MUC5AC: variants seen among roughly 807,000 people sequenced by gnomAD.
MUC5AC encodes the protein mucin-5AC.
A neutral mutation model predicts 169.7 loss-of-function variants in MUC5AC; 158 were observed. That is an observed-to-expected ratio of 0.93 (90% CI 0.82 to 1.06). MUC5AC has a LOEUF of 1.06. Ranked by LOEUF, MUC5AC falls within the 50% of genes least tolerant of loss-of-function variation. MUC5AC has a pLI of 0.00. For missense variants in MUC5AC, 4,359 were observed against 3,089.9 expected (o/e 1.41, Z -9.74); for synonymous variants, 1,975 against 1,237.0 (o/e 1.60, Z -12.52).
At chr11:1,165,278 C>T (rs1426212242) in intron 9 of MUC5AC, 24 bp from the exon 10 acceptor site, 1 of 1,602,050 alleles carries the variant, frequency 6.2e-7, no homozygotes, top group South Asian at 1.1e-5. Context: ...AGGCGCCCGT[C>T]ATAGGCCTGC....
At position 1,199,943 on chromosome 11, in the gene MUC5AC, G is replaced by A. The variant is rs1257951037; in HGVS notation, c.16674G>A (p.Arg5558=). The A allele has an allele frequency of 1.3e-6, 1 of 763,568 alleles. No homozygotes were observed. The highest frequency in any genetic ancestry group is 1.7e-5 in the Admixed American group (1 of 58,852). 47.3% of individuals were successfully genotyped at this position (763,568 alleles called of 1,614,324 possible). A position where few individuals can be genotyped will look rare whatever the true frequency, so the allele number is the denominator to read the frequency against. The part of the protein sequence containing the change: ...SSEPVRLAYC[R]GNCGDSSSMY... Reference sequence around the variant, plus strand: ...AGCCCGTGCGCCTGGCTTACTGCCGGGGGAACTGTGGGGACAGCTCTTCCA... The same window carrying A: ...AGCCCGTGCGCCTGGCTTACTGCCGAGGGAACTGTGGGGACAGCTCTTCCA... Residue 5558 remains arginine (R), a synonymous_variant, in exon 48 of 49, where the codon CGG becomes CGA. Coordinates refer to ENST00000621226, the MANE Select transcript of MUC5AC (RefSeq NM_001304359.2).
At position 1,187,988 on chromosome 11, in the gene MUC5AC, T is replaced by C. The variant is rs1554928434; in HGVS notation, c.9843T>C (p.Ile3281=). 295,440 of 730,840 alleles carry C rather than the reference T, an allele frequency of 0.4. 66,613 individuals carry two copies. The highest frequency in any genetic ancestry group is 0.66 in the African/African-American group (38,249 of 58,126). The allele number at this position is 730,840 out of a possible 1,614,324, so 45.3% of individuals were successfully genotyped here. ...CCGAGAGCCACCCGGAGGTGAGCATTGAACACCTGGGCCAGGTGGTGCAGT... is the reference window on the plus strand; with the variant it reads ...CCGAGAGCCACCCGGAGGTGAGCATCGAACACCTGGGCCAGGTGGTGCAGT... ...CRAESHPEVS[I]EHLGQVVQCS... Residue 3281 remains isoleucine (I), a synonymous_variant, in exon 31 of 49, where the codon ATT becomes ATC. Coordinates refer to ENST00000621226, the MANE Select transcript of MUC5AC (RefSeq NM_001304359.2).
At chr11:1,170,755 ACTCG>A (rs1860489031) in intron 15 of MUC5AC, among the ~76,000 whole-genome samples, 1 of 131,986 alleles carries the variant, frequency 7.6e-6, no homozygotes, top group African/African-American at 2.9e-5. Context: ...CCATTCACTC[ACTCG>A]CCCACTCACC....
At chr11:1,160,200 C>G (rs1028161884) in intron 1 of MUC5AC, among the ~76,000 whole-genome samples, 1 of 152,084 alleles carries the variant, frequency 6.6e-6, no homozygotes, top group Non-Finnish European at 1.5e-5. Flanking sequence ...TCCAGGTGGT[C>G]TTGGGGCCGA....
At position 1,189,445 on chromosome 11, in the gene MUC5AC, C is replaced by G; in HGVS notation, c.11300C>G (p.Thr3767Ser). ...AGCACAACGTCAGCTCCTACGAGCA[C>G]TTCCTCGGCTCCTACAACCAACACA... is the stretch of plus-strand genomic sequence containing the variant. ...TASTTSAPTS[T>S]SSAPTTNTTS... The change falls in exon 31 of 49, where the codon ACT (threonine) becomes AGT (serine). Residue 3767 changes from threonine (T) to serine (S), a missense_variant. Coordinates refer to ENST00000621226, the MANE Select transcript of MUC5AC (RefSeq NM_001304359.2). The G allele has an allele frequency of 1.8e-6, 1 of 558,164 alleles. No individual in the cohort carries two copies. 34.6% of individuals were successfully genotyped at this position (558,164 alleles called of 1,614,324 possible).
intron 15 of MUC5AC, among the ~76,000 whole-genome samples, chr11:1,170,874 C>T (rs1469939641): frequency 2.7e-5 from 4 of 146,602 alleles, no homozygotes; most frequent in South Asian, 2.3e-4. Flanking sequence ...CTCGCCTATT[C>T]GCCCACTCAC....
chr11:1,174,412 G>T, intron 16 of MUC5AC, 84 bp from the exon 17 acceptor site: 1 of 811,682 alleles, frequency 1.2e-6, no homozygotes. Context: ...GACCCTGGCT[G>T]CTGGATGTGT....
At position 1,178,561 on chromosome 11, in the gene MUC5AC, C is replaced by A; in HGVS notation, c.3205C>A (p.Pro1069Thr). The stretch of plus-strand genomic sequence containing the variant: ...GTTTGGGAACAGCTGGAAGCTCTCC[C>A]CCTCCTGCCCAGATGCCCTGGCGCC... Reference protein sequence around the residue: ...LEFGNSWKLSPSCPDALAPKD... With the variant: ...LEFGNSWKLSTSCPDALAPKD... The change falls in exon 25 of 49, where the codon CCC (proline) becomes ACC (threonine). Residue 1069 changes from proline (P) to threonine (T), a missense_variant. By Grantham distance (38) the Pro-to-Thr change is conservative. Coordinates refer to ENST00000621226, the MANE Select transcript of MUC5AC (RefSeq NM_001304359.2). 1 of 1,385,934 alleles carries A rather than the reference C, an allele frequency of 7.2e-7. No individual in the cohort carries two copies. Among genetic ancestry groups the A allele is most frequent in the South Asian group, 1.8e-5 (1 of 57,102 alleles). The allele number at this position is 1,385,934 out of a possible 1,614,324, so 85.9% of individuals were successfully genotyped here.
Position 1,169,041 on chromosome 11 carries a change from G to C in MUC5AC, c.1870+15G>C. 6.5e-7 allele frequency: 1 copy of C among 1,549,614 alleles called. No homozygotes were observed. Among genetic ancestry groups the C allele is most frequent in the Non-Finnish European group, 8.7e-7 (1 of 1,145,176 alleles). On this transcript the variant is annotated intron_variant, in intron 15 of 48. Transcript: ENST00000621226. ...CGTGGAGAATGGTACGGGTGTCCAC[G>C]GCTCGCCTCTGTGCTGGCCGCCTGG...
Position 1,196,444 on chromosome 11 carries a change from T to C in MUC5AC, c.15694T>C (p.Tyr5232His). The C allele has an allele frequency of 1.3e-6, 1 of 765,030 alleles. No individual in the cohort carries two copies. The allele number at this position is 765,030 out of a possible 1,614,324, so 47.4% of individuals were successfully genotyped here. A position where few individuals can be genotyped will look rare whatever the true frequency, so the allele number is the denominator to read the frequency against. Residue 5232 changes from tyrosine (Y) to histidine (H), a missense_variant, in exon 38 of 49, where the codon TAC becomes CAC. Transcript: ENST00000621226. ...YQPCGPSNPS[Y>H]CYGNDSASLG... is the part of the protein sequence containing the mutation. ...GCCCTGCGGCCCGAGCAACCCCTCC[T>C]ACTGCTACGGGAATGACAGCGCCAG...
Position 1,187,801 on chromosome 11 carries a change from C to T in MUC5AC, c.9656C>T (p.Thr3219Ile). The T allele has an allele frequency of 1.3e-6, 1 of 765,108 alleles. No individual in the cohort carries two copies. The highest frequency in any genetic ancestry group is 1.7e-5 in the Admixed American group (1 of 59,040). The allele number at this position is 765,108 out of a possible 1,614,324, so 47.4% of individuals were successfully genotyped here. ...ISKTTHSQPV[T>I]RDCHLRCTWT... is the part of the protein sequence containing the mutation. Reference sequence around the variant, plus strand: ...AAGACAACCCACTCCCAACCAGTCACCAGAGACTGTCATCTCCGGTGCACC... The same window carrying T: ...AAGACAACCCACTCCCAACCAGTCATCAGAGACTGTCATCTCCGGTGCACC... The change falls in exon 31 of 49, where the codon ACC becomes ATC. Residue 3219 changes from threonine to isoleucine, a missense_variant. Transcript: ENST00000621226.
chr11:1,162,058 G>A lies in MUC5AC; in HGVS notation c.363G>A (p.Gln121=). Residue 121 remains glutamine, a synonymous_variant, in exon 4 of 49, where the codon CAG becomes CAA. Coordinates refer to ENST00000621226, the MANE Select transcript of MUC5AC (RefSeq NM_001304359.2). ...CCGCCTACGAGGATTTTAACATCCA[G>A]CTACGCCGCAGCCAGGAGTCAGCGG... The part of the protein sequence containing the change: ...CGAAYEDFNI[Q]LRRSQESAAP... 1 of 1,612,562 alleles carries A rather than the reference G, an allele frequency of 6.2e-7. No homozygotes were observed. Among genetic ancestry groups the A allele is most frequent in the African/African-American group, 1.3e-5 (1 of 75,046 alleles).
In MUC5AC at chr11:1,164,097, T is replaced by C; in HGVS notation, c.790-9T>C. On this transcript the variant is annotated splice_polypyrimidine_tract_variant and intron_variant, in intron 7 of 48. Transcript: ENST00000621226. ...CGAGGACTCAGACGGGCTGTGGCCT[T>C]TGTCCTAGGGCATCTGTGAGGAGCT... is the stretch of plus-strand genomic sequence containing the variant. 1 of 1,611,632 alleles carries C rather than the reference T, an allele frequency of 6.2e-7. No homozygotes were observed. The highest frequency in any genetic ancestry group is 1.1e-5 in the South Asian group (1 of 91,066).
chr11:1,166,874 C>T (rs1860348360), intron 11 of MUC5AC, among the ~76,000 whole-genome samples: 1 of 48,698 alleles, frequency 2.1e-5, no homozygotes, highest in South Asian at 1.5e-3. Flanking sequence ...ACAGTCTCCC[C>T]AAGATGAGAC....
chr11:1,158,063 C>A lies in MUC5AC; in HGVS notation c.64C>A (p.Arg22=), dbSNP rs77345336. The A allele has an allele frequency of 2.1e-4, 344 of 1,608,044 alleles. No homozygotes were observed. The highest frequency in any genetic ancestry group is 2.7e-4 in the Non-Finnish European group (318 of 1,178,484). ...WALALALACT[R]HTGHAQDGSS... ...CCTGGCTCTCGCTCTGGCCTGCACC[C>A]GGCATACAGGTACGGCTTGGCCCCT... Residue 22 remains arginine, a synonymous_variant, in exon 1 of 49, where the codon CGG becomes AGG. Transcript: ENST00000621226.
chr11:1,158,603 T>TA (rs1860034588), intron 1 of MUC5AC, among the ~76,000 whole-genome samples: 3 of 152,142 alleles, frequency 2.0e-5, no homozygotes, highest in Non-Finnish European at 4.4e-5. Flanking sequence ...GCCCTGAGGC[T>TA]AAGAGGGTGA....
chr11:1,197,414 G>A, intron 40 of MUC5AC, 54 bp from the exon 41 acceptor site: 1 of 692,382 alleles, frequency 1.4e-6, no homozygotes, highest in Non-Finnish European at 2.6e-6. Flanking sequence ...GGTGGCTGCT[G>A]CACCCCTGGG....
rs1267963993 is a variant in MUC5AC, at chr11:1,190,449, C to A, written c.12304C>A (p.Gln4102Lys). The change falls in exon 31 of 49, where the codon CAG (glutamine) becomes AAG (lysine). Residue 4102 changes from glutamine to lysine, a missense_variant. Gln to Lys is a moderately conservative substitution (Grantham distance 53). Transcript: ENST00000621226. ...GACAACCAGCACAACCTCCACTCCACAGACCAGCACAACCTCTGCCCCTAC... is the reference window on the plus strand; with the variant it reads ...GACAACCAGCACAACCTCCACTCCAAAGACCAGCACAACCTCTGCCCCTAC... The part of the protein sequence containing the change: ...LVTTSTTSTP[Q>K]TSTTSAPTTS... The A allele has an allele frequency of 7.3e-6, 5 of 689,324 alleles. No homozygotes were observed. In the African/African-American group the frequency reaches 8.8e-5, roughly 12 times the overall value. The allele number at this position is 689,324 out of a possible 1,614,324, so 42.7% of individuals were successfully genotyped here.
Position 1,185,709 on chromosome 11 carries a change from A to C in MUC5AC, c.7564A>C (p.Thr2522Pro). The C allele has an allele frequency of 1.3e-6, 1 of 744,254 alleles. No individual in the cohort carries two copies. Among genetic ancestry groups the C allele is most frequent in the Non-Finnish European group, 2.5e-6 (1 of 407,300 alleles). 46.1% of individuals were successfully genotyped at this position (744,254 alleles called of 1,614,324 possible). A position where few individuals can be genotyped will look rare whatever the true frequency, so the allele number is the denominator to read the frequency against. The change falls in exon 31 of 49, where the codon ACC (threonine) becomes CCC (proline). Residue 2522 changes from threonine (T) to proline (P), a missense_variant. By Grantham distance (38) the Thr-to-Pro change is conservative. Coordinates refer to ENST00000621226, the MANE Select transcript of MUC5AC (RefSeq NM_001304359.2). ...AACCAGCACAACCTCTGCTTCTACA[A>C]CCAGCACAACCTCTGGTGCTGGAAC... ...PTTSTTSAST[T>P]STTSGAGTTP...
Sources: allele counts gnomAD v4.1 joint callset (sites outside exome capture counted in the v4.1 genomes callset), GRCh38; gene constraint gnomAD v4.1.1; transcripts MANE v1.5; gene names NCBI Gene and HGNC (gene_info 2026-07-23, HGNC 2026-07-21).